The following PLB1 variants were observed in gnomAD, a reference collection of about 807,000 sequenced individuals.
PLB1 encodes the protein phospholipase B1.
Under a neutral mutation model 227.4 loss-of-function variants are expected in PLB1, and 242 were observed. The ratio of observed to expected loss-of-function variants is 1.06; its 90% confidence interval spans 0.96 to 1.18. PLB1 has a LOEUF of 1.18. PLB1 is among the 50% of genes most tolerant of loss of function. The probability of loss-of-function intolerance (pLI) is 0.00; values close to 1 mark genes in which losing one functional copy is unlikely to be tolerated. For missense variants in PLB1, 1,858 were observed against 1,816.3 expected (o/e 1.02, Z -0.42); for synonymous variants, 757 against 682.2 (o/e 1.11, Z -1.71).
chr2:28,616,170 G>A (rs1686176970), intron 44 of PLB1, among the ~76,000 whole-genome samples: 1 of 152,150 alleles, frequency 6.6e-6, no homozygotes, highest in Non-Finnish European at 1.5e-5. Flanking sequence ...TAGCACAGTA[G>A]GGTGACTATA....
rs776267026 is a variant in PLB1, at chr2:28,573,207, G to A, written c.1335G>A (p.Arg445=). The A allele has an allele frequency of 6.2e-7, 1 of 1,613,560 alleles. No individual in the cohort carries two copies. The highest frequency in any genetic ancestry group is 8.5e-7 in the Non-Finnish European group (1 of 1,179,544). Residue 445 remains arginine, a synonymous_variant, in exon 21 of 58, where the codon CGG becomes CGA. Transcript: ENST00000327757. ...TCCTTGTATTTGCAGACATCCTCCG[G>A]GAATTCAACCCTTCCCTGAAGGGCT... ...GTVTTLANIL[R]EFNPSLKGFS...
chr2:28,559,307 A>C (rs1675653462), intron 17 of PLB1, among the ~76,000 whole-genome samples: 1 of 152,228 alleles, frequency 6.6e-6, no homozygotes, highest in African/African-American at 2.4e-5. Context: ...TGAGTCAAAA[A>C]TTCTGAAGGT....
chr2:28,608,422 G>A (rs572564561), intron 43 of PLB1, among the ~76,000 whole-genome samples: 1 of 152,198 alleles, frequency 6.6e-6, no homozygotes, highest in African/African-American at 2.4e-5. Context: ...AGACGCAGTG[G>A]GGGGCGGGAG....
Position 28,625,035 on chromosome 2 carries a change from CCT to C in PLB1, c.3528-15_3528-14del. The C allele has an allele frequency of 6.2e-7, 1 of 1,612,182 alleles. No homozygotes were observed. The highest frequency in any genetic ancestry group is 8.5e-7 in the Non-Finnish European group (1 of 1,178,738). On this transcript the variant is annotated intron_variant, in intron 49 of 57. Transcript: ENST00000327757. ...TCGCTCCTGAGCCGGCACTAACGCCCCTCTCTCTACCCCCCACCTAGGGACAT... is the reference window on the plus strand; with the variant it reads ...TCGCTCCTGAGCCGGCACTAACGCCCCTCTCTACCCCCCACCTAGGGACAT...
At chr2:28,576,770 ACT>A (rs1243201098) in intron 21 of PLB1, among the ~76,000 whole-genome samples, 3 of 152,098 alleles carry the variant, frequency 2.0e-5, no homozygotes, top group Non-Finnish European at 4.4e-5. Flanking sequence ...TCATCCTCAA[ACT>A]CTGTTCCATC....
At position 28,632,050 on chromosome 2, in the gene PLB1, T is replaced by C; in HGVS notation, c.3912T>C (p.Ser1304=). The C allele has an allele frequency of 2.5e-6, 4 of 1,613,946 alleles. No homozygotes were observed. The highest frequency in any genetic ancestry group is 3.4e-6 in the Non-Finnish European group (4 of 1,179,912). ...VNWNLQHGIS[S]FSYWHQYTQR... The stretch of plus-strand genomic sequence containing the variant: ...TCTGTCCCCAGCATGGCATCTCCAG[T>C]TTCTCCTACTGGCACCAATACACAC... Residue 1304 remains serine (S), a synonymous_variant, in exon 55 of 58, where the codon AGT becomes AGC. Transcript: ENST00000327757.
rs750318302 is a variant in PLB1, at chr2:28,516,818, G to GATC, written c.67_69dup (p.Ile23dup). Reference sequence around the variant, plus strand: ...TCTGCTTTCTTTCAGGGACCCCTCAGATCCATACCTCTCCTAGAAAGAGTA... The same window carrying GATC: ...TCTGCTTTCTTTCAGGGACCCCTCAGATCATCCATACCTCTCCTAGAAAGAGTA... On this transcript the variant is annotated inframe_insertion, in exon 2 of 58. Transcript: ENST00000327757. 6.2e-5 allele frequency: 100 copies of GATC among 1,613,734 alleles called. No homozygotes were observed. In the African/African-American group the frequency reaches 1.2e-3, roughly 20 times the overall value.
At chr2:28,613,008 C>A (rs1053104238) in intron 43 of PLB1, among the ~76,000 whole-genome samples, 1 of 151,922 alleles carries the variant, frequency 6.6e-6, no homozygotes, top group Non-Finnish European at 1.5e-5. Context: ...TAACCACAAA[C>A]TCCTGGGTTC....
At chr2:28,574,093 T>G (rs1160565359) in intron 21 of PLB1, among the ~76,000 whole-genome samples, 1 of 152,216 alleles carries the variant, frequency 6.6e-6, no homozygotes, top group Non-Finnish European at 1.5e-5. Flanking sequence ...GAGTGCTGCT[T>G]GAGGTTTGCT....
chr2:28,527,399 G>C (rs1193436720), intron 6 of PLB1, among the ~76,000 whole-genome samples: 1 of 152,236 alleles, frequency 6.6e-6, no homozygotes, highest in Non-Finnish European at 1.5e-5. Context: ...CTGGGTGGCT[G>C]AGCCAGCAGG....
chr2:28,523,835 G>GA (rs970061154), intron 4 of PLB1, among the ~76,000 whole-genome samples: 5 of 152,198 alleles, frequency 3.3e-5, no homozygotes, highest in African/African-American at 1.2e-4. Context: ...AGCTCCTCTT[G>GA]AAAAATGACT....
intron 50 of PLB1, among the ~76,000 whole-genome samples, chr2:28,625,738 C>T (rs1323877035): frequency 6.6e-6 from 1 of 152,178 alleles, no homozygotes; most frequent in Non-Finnish European, 1.5e-5. Context: ...TTGCCTACAG[C>T]TCCCTGGAAG....
intron 1 of PLB1, among the ~76,000 whole-genome samples, chr2:28,502,131 C>T (rs1667169008): frequency 6.6e-6 from 1 of 152,060 alleles, no homozygotes; most frequent in African/African-American, 2.4e-5. Context: ...CATAGCTTGA[C>T]AATAAAGCTA....
chr2:28,596,779 A>T (rs1231636135), intron 33 of PLB1, among the ~76,000 whole-genome samples: 5 of 152,228 alleles, frequency 3.3e-5, no homozygotes, highest in Non-Finnish European at 7.3e-5. Context: ...GAAGGGTAAG[A>T]TTTACGGCAT....
chr2:28,636,653 G>GC (rs1689396509), intron 56 of PLB1, among the ~76,000 whole-genome samples: 1 of 152,122 alleles, frequency 6.6e-6, no homozygotes, highest in African/African-American at 2.4e-5. Flanking sequence ...AGGTCTGACC[G>GC]CATCTGTGGC....
At chr2:28,610,027 G>A (rs1342608025) in intron 43 of PLB1, among the ~76,000 whole-genome samples, 2 of 152,058 alleles carry the variant, frequency 1.3e-5, no homozygotes, top group Non-Finnish European at 2.9e-5. Context: ...ATAGAATAAT[G>A]GAATTCTTCT....
At chr2:28,602,762 GAGAC>G in intron 38 of PLB1, 55 bp from the exon 39 acceptor site, 1 of 1,492,126 alleles carries the variant, frequency 6.7e-7, no homozygotes, top group South Asian at 1.1e-5. Context: ...TAGGGGCCCT[GAGAC>G]AGCCCCAGGA....
intron 25 of PLB1, 33 bp from the exon 26 acceptor site, chr2:28,585,728 G>T: frequency 2.0e-6 from 3 of 1,504,690 alleles, no homozygotes; most frequent in Non-Finnish European, 2.8e-6. Flanking sequence ...TGATCTTGGT[G>T]GGATGAGGGT....
intron 32 of PLB1, 82 bp downstream of exon 32, chr2:28,592,801 T>G: frequency 7.5e-7 from 1 of 1,335,332 alleles, no homozygotes; most frequent in Non-Finnish European, 1.1e-6. Flanking sequence ...AGGGTCTGCA[T>G]GCCTGTCCTC....
Sources: allele counts gnomAD v4.1 joint callset (sites outside exome capture counted in the v4.1 genomes callset), GRCh38; gene constraint gnomAD v4.1.1; transcripts MANE v1.5; gene names NCBI Gene and HGNC (gene_info 2026-07-23, HGNC 2026-07-21).